MAPK8IP3: variants seen among roughly 807,000 people sequenced by gnomAD.
The protein encoded by MAPK8IP3 is mitogen-activated protein kinase 8 interacting protein 3.
Under a neutral mutation model 157.8 loss-of-function variants are expected in MAPK8IP3, and 49 were observed. The observed-to-expected ratio is 0.31, with a 90% CI of 0.25 to 0.39. The LOEUF (loss-of-function observed/expected upper bound fraction) is 0.39, where lower values mean the gene tolerates loss of function less well. MAPK8IP3 is among the 10% of genes least tolerant of loss of function. The pLI is 1.00. For synonymous variants in MAPK8IP3, 897 were observed against 777.7 expected (o/e 1.15, Z -2.55); for missense variants, 1,478 against 1,889.4 (o/e 0.78, Z 4.04).
intron 4 of MAPK8IP3, among the ~76,000 whole-genome samples, chr16:1,730,581 C>T (rs2039239753): frequency 6.6e-6 from 1 of 152,004 alleles, no homozygotes; most frequent in Non-Finnish European, 1.5e-5. Context: ...CTACGAAACA[C>T]TCCTGTAATC....
In MAPK8IP3 at chr16:1,767,887, C is replaced by T. The variant is rs755995383; in HGVS notation, c.3492C>T (p.Asn1164=). The T allele has an allele frequency of 5.0e-6, 8 of 1,611,314 alleles. No individual in the cohort carries two copies. The highest frequency in any genetic ancestry group is 1.6e-4 in the Middle Eastern group (1 of 6,062). ...AGSRLWVGTG[N]GVVISIPLTE... ...GCCGGCTCTGGGTGGGCACCGGCAA[C>T]GGAGTGGTCATCTCCATCCCCCTGA... The change falls in exon 28 of 32, where the codon AAC becomes AAT. Residue 1164 remains asparagine, a synonymous_variant. Coordinates refer to ENST00000610761, the MANE Select transcript of MAPK8IP3 (RefSeq NM_001318852.2).
At chr16:1,759,858 G>A in intron 10 of MAPK8IP3, 100 bp from the exon 11 acceptor site, 1 of 1,071,512 alleles carries the variant, frequency 9.3e-7, no homozygotes, top group Non-Finnish European at 1.4e-6. Flanking sequence ...CCCCAGCCAG[G>A]CTACCCTCTT....
chr16:1,760,445 A>C lies in MAPK8IP3; in HGVS notation c.1370A>C (p.Glu457Ala), dbSNP rs767787609. Residue 457 changes from glutamate (E) to alanine (A), a missense_variant, in exon 12 of 32, where the codon GAG becomes GCG. Coordinates refer to ENST00000610761, the MANE Select transcript of MAPK8IP3 (RefSeq NM_001318852.2). Reference sequence around the variant, plus strand: ...GTCGACCAGCTGTCCGGGGAGCAGGAGGTGCTGAGGGGCGAGTTGGAGGCT... The same window carrying C: ...GTCGACCAGCTGTCCGGGGAGCAGGCGGTGCTGAGGGGCGAGTTGGAGGCT... Reference protein sequence around the residue: ...AKVDQLSGEQEVLRGELEAAK... With the variant: ...AKVDQLSGEQAVLRGELEAAK... The C allele has an allele frequency of 1.2e-6, 2 of 1,613,938 alleles. No homozygotes were observed. Among genetic ancestry groups the C allele is most frequent in the Non-Finnish European group, 1.7e-6 (2 of 1,179,920 alleles).
At chr16:1,738,263 T>C (rs1191677411) in intron 4 of MAPK8IP3, among the ~76,000 whole-genome samples, 1 of 89,174 alleles carries the variant, frequency 1.1e-5, no homozygotes, top group African/African-American at 4.9e-5. Flanking sequence ...TGTGAGCGTG[T>C]GACCGTCCGT....
At chr16:1,767,043 G>A (rs903889468) in intron 25 of MAPK8IP3, 72 bp downstream of exon 25, 47 of 1,570,026 alleles carry the variant, frequency 3.0e-5, no homozygotes, top group African/African-American at 2.7e-4. Context: ...AGGGGCTCCC[G>A]GGGTTCCAGG....
intron 1 of MAPK8IP3, among the ~76,000 whole-genome samples, chr16:1,708,130 C>T (rs2037520282): frequency 1.3e-5 from 2 of 152,204 alleles, no homozygotes; most frequent in Non-Finnish European, 2.9e-5. Context: ...TTTTGGAGCT[C>T]AGGGTGACTA....
chr16:1,709,531 G>A (rs912874451), intron 1 of MAPK8IP3, among the ~76,000 whole-genome samples: 10 of 152,278 alleles, frequency 6.6e-5, no homozygotes, highest in Non-Finnish European at 1.5e-4. Context: ...GGCCGCCGTG[G>A]ACGGCAGGCA....
chr16:1,729,506 A>G lies in MAPK8IP3; in HGVS notation c.530A>G (p.Glu177Gly), dbSNP rs529746174. The change falls in exon 4 of 32, where the codon GAG becomes GGG. Residue 177 changes from glutamate to glycine, a missense_variant. Glu to Gly is a moderately conservative substitution (Grantham distance 98). Coordinates refer to ENST00000610761, the MANE Select transcript of MAPK8IP3 (RefSeq NM_001318852.2). ...TCGCAGATGATACAGACCTACGTGG[A>G]GCACATTGAGAGGTCCAAGATGCAG... ...RHTEMIQTYVEHIERSKMQQV... is the reference protein window; with the variant it reads ...RHTEMIQTYVGHIERSKMQQV... The G allele has an allele frequency of 6.2e-7, 1 of 1,613,000 alleles. No individual in the cohort carries two copies. Among genetic ancestry groups the G allele is most frequent in the South Asian group, 1.1e-5 (1 of 90,950 alleles).
intron 1 of MAPK8IP3, among the ~76,000 whole-genome samples, chr16:1,715,314 C>G (rs1170159422): frequency 1.3e-5 from 2 of 152,170 alleles, no homozygotes; most frequent in Non-Finnish European, 2.9e-5. Context: ...CAGCAGGCTT[C>G]AGGGGCAGCT....
In MAPK8IP3 at chr16:1,768,179, T is replaced by C; in HGVS notation, c.3563-20T>C. The stretch of plus-strand genomic sequence containing the variant: ...TCCACCTGTATGCGGGCTCAGCGCC[T>C]CTGGGTTCTCTCCCTGCAGCCAATA... On this transcript the variant is annotated intron_variant, in intron 29 of 31. Transcript: ENST00000610761. The C allele has an allele frequency of 1.2e-6, 2 of 1,611,840 alleles. No homozygotes were observed.
At chr16:1,738,622 ATCGG>A (rs2040288203) in intron 4 of MAPK8IP3, among the ~76,000 whole-genome samples, 1 of 84,086 alleles carries the variant, frequency 1.2e-5, no homozygotes, top group African/African-American at 5.0e-5. Context: ...CCGTGTGAGC[ATCGG>A]TGTGAGCGTG....
chr16:1,719,885 A>G (rs776378351), intron 1 of MAPK8IP3, among the ~76,000 whole-genome samples: 1 of 152,108 alleles, frequency 6.6e-6, no homozygotes, highest in Non-Finnish European at 1.5e-5. Context: ...AAAGAAAGAA[A>G]TGTTGAGAGT....
At chr16:1,711,372 T>A (rs1270323970) in intron 1 of MAPK8IP3, among the ~76,000 whole-genome samples, 1 of 152,170 alleles carries the variant, frequency 6.6e-6, no homozygotes, top group Non-Finnish European at 1.5e-5. Flanking sequence ...TGTGCCTCAG[T>A]CTGGCTCATG....
Position 1,767,797 on chromosome 16 carries a change from C to A in MAPK8IP3, c.3410-8C>A. On this transcript the variant is annotated splice_region_variant and splice_polypyrimidine_tract_variant and intron_variant, in intron 27 of 31. Transcript: ENST00000610761. ...AAGGCCAGCCACCCTGACCGCTCTC[C>A]CCCACAGGCACTGGCAAGCTGGGTT... 1.9e-6 allele frequency: 3 copies of A among 1,611,552 alleles called. No individual in the cohort carries two copies. Among genetic ancestry groups the A allele is most frequent in the Non-Finnish European group, 2.5e-6 (3 of 1,179,910 alleles).
At chr16:1,752,590 A>G (rs144493347) in intron 8 of MAPK8IP3, 145 of 283,716 alleles carry the variant, frequency 5.1e-4, no homozygotes, top group African/African-American at 3.2e-3. Context: ...AAAACATTTT[A>G]TAAAAAAATT....
In MAPK8IP3 at chr16:1,743,642, G is replaced by T; in HGVS notation, c.747+166G>T. ...GAGAAACCCAGCCAGGGTGTCAGGG[G>T]CTCAGGCTGCCCAGCAGGCCCTGTG... On this transcript the variant is annotated intron_variant, in intron 5 of 31. Transcript: ENST00000610761. This position sits in a 1 kb window ranked among gnomAD's most constrained non-coding sequence, Gnocchi z 5.6. 6.9e-7 allele frequency: 1 copy of T among 1,440,956 alleles called. No individual in the cohort carries two copies. 89.3% of individuals were successfully genotyped at this position (1,440,956 alleles called of 1,614,324 possible).
chr16:1,764,515 A>G (rs1159057631), intron 19 of MAPK8IP3, 56 bp downstream of exon 19: 2 of 1,572,288 alleles, frequency 1.3e-6, no homozygotes, highest in East Asian at 4.6e-5. Context: ...AGGACAGCTC[A>G]GCTGCAGAGC....
chr16:1,723,547 G>C (rs797021816), intron 1 of MAPK8IP3, among the ~76,000 whole-genome samples: 11 of 152,212 alleles, frequency 7.2e-5, no homozygotes, highest in African/African-American at 2.6e-4. Context: ...TTGAGCCCAG[G>C]TGCTCAAGGC....
intron 4 of MAPK8IP3, chr16:1,734,873 TTA>T (rs964396522): frequency 3.2e-5 from 5 of 154,104 alleles, no homozygotes; most frequent in African/African-American, 7.3e-5. Context: ...CTGGCGTGGC[TTA>T]GTGAGTGTGT....
Sources: allele counts gnomAD v4.1 joint callset (sites outside exome capture counted in the v4.1 genomes callset), GRCh38; gene constraint gnomAD v4.1.1; non-coding constraint Gnocchi (gnomAD v3.1); transcripts MANE v1.5; gene names NCBI Gene and HGNC (gene_info 2026-07-23, HGNC 2026-07-21).